Variants in CELF2 observed in about 807,000 individuals in gnomAD.
The protein encoded by CELF2 is CUGBP Elav-like family member 2.
In CELF2, 8 loss-of-function variants were observed where a neutral mutation model predicts 62.6. That is an observed-to-expected ratio of 0.13 (90% CI 0.07 to 0.23). CELF2 has a LOEUF of 0.23. Among genes scored for constraint, CELF2 ranks in the 10% least tolerant of loss-of-function variants. CELF2 has a pLI of 1.00. For missense variants in CELF2, 333 were observed against 671.0 expected, an observed-to-expected ratio of 0.50 and a Z score of 5.56; for synonymous variants, 258 against 250.0, an observed-to-expected ratio of 1.03 and a Z score of -0.30.
chr10:10,939,434 A>AGT (rs1247921688), intron 2 of CELF2, among the ~76,000 whole-genome samples: 2 of 151,872 alleles, frequency 1.3e-5, no homozygotes, highest in Admixed American at 1.3e-4. Flanking sequence ...TATAGGCATA[A>AGT]GCCACCACGC....
intron 8 of CELF2, among the ~76,000 whole-genome samples, chr10:11,278,566 A>G (rs2087005300): frequency 6.6e-6 from 1 of 152,222 alleles, no homozygotes; most frequent in Non-Finnish European, 1.5e-5. Context: ...GTTTATAACA[A>G]CTATCAACTC....
chr10:10,825,279 GACTC>G (rs2057296539), intron 1 of CELF2, among the ~76,000 whole-genome samples: 1 of 152,088 alleles, frequency 6.6e-6, no homozygotes, highest in African/African-American at 2.4e-5. Context: ...GCGCGATCTC[GACTC>G]ACTGCAAGCT....
the CELF2 span, among the ~76,000 whole-genome samples, chr10:10,499,860 A>C: frequency 2.0e-5 from 3 of 152,224 alleles, no homozygotes; most frequent in East Asian, 5.8e-4. Flanking sequence ...CTTGGGCAAC[A>C]GAATAAGACT....
chr10:11,227,751 C>T lies in CELF2; in HGVS notation c.354+10244C>T, dbSNP rs1425344733. Among the ~76,000 whole-genome samples the T allele has an allele frequency of 3.3e-5, 5 of 152,176 alleles. No homozygotes were observed. Among genetic ancestry groups the T allele is most frequent in the Non-Finnish European group, 7.3e-5 (5 of 68,030 alleles). On this transcript the variant is annotated intron_variant, in intron 3 of 12. Coordinates refer to ENST00000633077, the MANE Select transcript of CELF2 (RefSeq NM_001326342.2). This position sits in a 1 kb window ranked among gnomAD's most constrained non-coding sequence, Gnocchi z 4.8. ...TTGGGTTAGACCAGGTGGTTATTTG[C>T]CACCTGTAGGCTGGCACTTTCTACA... is the stretch of plus-strand genomic sequence containing the variant.
At chr10:10,748,531 G>A in the CELF2 span, among the ~76,000 whole-genome samples, 6 of 151,916 alleles carry the variant, frequency 3.9e-5, no homozygotes, top group African/African-American at 4.8e-5. Context: ...GGCGGATCAC[G>A]AGGTCAGGAG....
intron 1 of CELF2, among the ~76,000 whole-genome samples, chr10:10,856,201 T>C (rs1178938847): frequency 6.6e-6 from 1 of 152,202 alleles, no homozygotes; most frequent in Non-Finnish European, 1.5e-5. Context: ...ACTTTAATCC[T>C]GACACTAACT....
intron 1 of CELF2, among the ~76,000 whole-genome samples, chr10:10,863,431 T>A (rs924662469): frequency 9.2e-5 from 14 of 152,200 alleles, no homozygotes; most frequent in Non-Finnish European, 1.6e-4. Context: ...TTCAAGTTTC[T>A]GGGTTCAAAA....
chr10:11,310,542 A>C (rs1416435525), intron 9 of CELF2, among the ~76,000 whole-genome samples: 1 of 152,048 alleles, frequency 6.6e-6, no homozygotes, highest in East Asian at 1.9e-4. Flanking sequence ...TAGTTGTTTC[A>C]CTGGAAGGAG....
the CELF2 span, among the ~76,000 whole-genome samples, chr10:10,575,237 C>T: frequency 4.6e-5 from 7 of 152,220 alleles, no homozygotes; most frequent in South Asian, 8.3e-4. Context: ...CAAGAGAACA[C>T]ATTACTTATT....
At position 11,319,741 on chromosome 10, in the gene CELF2, G is replaced by A; in HGVS notation, c.1097-1448G>A. ...TGAGAAGCACAGGAATACCCGAGGT[G>A]AGGCACAATGACAGTCCTCCACTGT... On this transcript the variant is annotated intron_variant, in intron 10 of 12. Transcript: ENST00000633077. This position sits in a 1 kb window ranked among gnomAD's most constrained non-coding sequence, Gnocchi z 4.4. 2.1e-6 allele frequency: 1 copy of A among 470,704 alleles called. No individual in the cohort carries two copies. Among genetic ancestry groups the A allele is most frequent in the Non-Finnish European group, 4.4e-6 (1 of 226,824 alleles). 29.2% of individuals were successfully genotyped at this position (470,704 alleles called of 1,614,324 possible).
rs2066677076 is a variant in CELF2, at chr10:11,165,150, T to G, written c.75-336T>G. 1.8e-6 allele frequency: 2 copies of G among 1,089,172 alleles called. No individual in the cohort carries two copies. Among genetic ancestry groups the G allele is most frequent in the Non-Finnish European group, 2.2e-6 (2 of 893,490 alleles). 67.5% of individuals were successfully genotyped at this position (1,089,172 alleles called of 1,614,324 possible). A position where few individuals can be genotyped will look rare whatever the true frequency, so the allele number is the denominator to read the frequency against. On this transcript the variant is annotated intron_variant, in intron 1 of 12. Coordinates refer to ENST00000633077, the MANE Select transcript of CELF2 (RefSeq NM_001326342.2). The surrounding 1 kb of genome is among the most constrained non-coding windows in gnomAD (Gnocchi z 7.4). ...GGCTGATAAGGCGCTGATGCGTTGA[T>G]GGCAGCCTTGCAGAGCTAGACCTGC...
the CELF2 span, among the ~76,000 whole-genome samples, chr10:10,722,921 C>T: frequency 6.6e-6 from 1 of 152,178 alleles, no homozygotes; most frequent in African/African-American, 2.4e-5. Context: ...GAGCAAGGCC[C>T]TCCCTCTTAT....
intron 1 of CELF2, among the ~76,000 whole-genome samples, chr10:10,916,885 T>C (rs2064385063): frequency 6.6e-5 from 10 of 151,930 alleles, no homozygotes; most frequent in Admixed American, 6.6e-4. Flanking sequence ...AGTGCTGGGA[T>C]TACAGTCATG....
chr10:10,766,777 G>A, the CELF2 span, among the ~76,000 whole-genome samples: 26 of 152,278 alleles, frequency 1.7e-4, 1 homozygote, highest in Admixed American at 2.0e-4. Flanking sequence ...GCCCCTGTGG[G>A]GTTTTAGAGC....
chr10:10,780,250 T>C, the CELF2 span, among the ~76,000 whole-genome samples: 1 of 152,198 alleles, frequency 6.6e-6, no homozygotes, highest in Non-Finnish European at 1.5e-5. Flanking sequence ...AACCATTTTA[T>C]AGAGCTTCCC....
At chr10:10,806,374 T>A (rs993010963) in intron 1 of CELF2, among the ~76,000 whole-genome samples, 2 of 151,978 alleles carry the variant, frequency 1.3e-5, no homozygotes, top group Non-Finnish European at 2.9e-5. Flanking sequence ...CCAGCTAATT[T>A]CTGTATTTTT....
rs1039032702 is a variant in CELF2 at position 11,336,136 on chromosome 10, T to C, written c.*7083T>C. 6.5e-6 allele frequency: 1 copy of C among 152,690 alleles called. No homozygotes were observed. The highest frequency in any genetic ancestry group is 1.5e-5 in the Non-Finnish European group (1 of 68,046). 9.5% of individuals were successfully genotyped at this position (152,690 alleles called of 1,614,324 possible). A position where few individuals can be genotyped will look rare whatever the true frequency, so the allele number is the denominator to read the frequency against. ...GCCCACAGCAGTCGCACGCAGCCGA[T>C]GGGCTCGGACTCTTAGCTGGCAGGC... On this transcript the variant is annotated 3_prime_UTR_variant, in exon 13 of 13. Transcript: ENST00000633077. The surrounding 1 kb of genome is among the most constrained non-coding windows in gnomAD (Gnocchi z 5.4).
At chr10:10,648,660 G>A in the CELF2 span, among the ~76,000 whole-genome samples, 3 of 152,118 alleles carry the variant, frequency 2.0e-5, no homozygotes, top group South Asian at 6.2e-4. Context: ...AGCTTAAATG[G>A]GTCAGGTGTA....
At position 10,927,355 on chromosome 10, in the gene CELF2, A is replaced by AC. The variant is rs1488034544; in HGVS notation, c.89+7356_89+7357insC. ...GAGAACCTAGTGACATTAAAAAAAA[A>AC]AAAAAAAAAAACACCTTTTTCTGTT... On this transcript the variant is annotated intron_variant, in intron 2 of 13. Coordinates refer to the CELF2 transcript ENST00000636488. 55 of 150,514 alleles carry AC rather than the reference A, an allele frequency of 3.7e-4. 2 individuals are homozygous for AC. The highest frequency in any genetic ancestry group is 1.2e-3 in the African/African-American group (50 of 40,812). 9.3% of individuals were successfully genotyped at this position (150,514 alleles called of 1,614,324 possible). A position where few individuals can be genotyped will look rare whatever the true frequency, so the allele number is the denominator to read the frequency against.
Sources: allele counts gnomAD v4.1 joint callset (sites outside exome capture counted in the v4.1 genomes callset), GRCh38; gene constraint gnomAD v4.1.1; non-coding constraint Gnocchi (gnomAD v3.1); transcripts MANE v1.5; gene names NCBI Gene and HGNC (gene_info 2026-07-23, HGNC 2026-07-21).